The following PI4K2B variants were observed in gnomAD, a reference collection of about 807,000 sequenced individuals.
The protein encoded by PI4K2B is phosphatidylinositol 4-kinase type 2 beta.
Under a neutral mutation model 56.6 loss-of-function variants are expected in PI4K2B, and 46 were observed. The observed-to-expected ratio is 0.81, with a 90% CI of 0.64 to 1.04. The LOEUF (loss-of-function observed/expected upper bound fraction) is 1.04. Ranked by LOEUF, PI4K2B falls within the 50% of genes least tolerant of loss-of-function variation. The pLI is 0.00. For missense variants in PI4K2B, 556 were observed against 607.7 expected, an observed-to-expected ratio of 0.91 and a Z score of 0.89; for synonymous variants, 211 against 223.8, an observed-to-expected ratio of 0.94 and a Z score of 0.51.
rs541637763 is a variant in PI4K2B at position 25,243,343 on chromosome 4, C to G, written c.268+8912C>G. Among the ~76,000 whole-genome samples, 3 of 152,338 alleles carry G rather than the reference C, an allele frequency of 2.0e-5. No homozygotes were observed. The South Asian group carries it at 6.2e-4, about 32-fold the overall frequency. ...ACATGGATGAGGGGGCAGCTTGTTT[C>G]TCATTGGACAATCTTTTTTAAAGCA... On this transcript the variant is annotated intron_variant, in intron 1 of 9. Transcript: ENST00000264864.
chr4:25,248,945 C>T (rs1273205199), intron 1 of PI4K2B, among the ~76,000 whole-genome samples: 1 of 152,034 alleles, frequency 6.6e-6, no homozygotes, highest in Non-Finnish European at 1.5e-5. Context: ...GTTTTATAGG[C>T]AGAGGGCCCT....
chr4:25,272,436 A>G (rs1279593530), intron 9 of PI4K2B, among the ~76,000 whole-genome samples: 1 of 152,178 alleles, frequency 6.6e-6, no homozygotes, highest in Admixed American at 6.6e-5. Context: ...ATAGCCAAAA[A>G]AGATAATATG....
chr4:25,257,993 T>A (rs1242409949), intron 4 of PI4K2B, among the ~76,000 whole-genome samples: 4 of 152,202 alleles, frequency 2.6e-5, no homozygotes, highest in African/African-American at 9.6e-5. Flanking sequence ...AAACTAGGGT[T>A]ACCTGTTACC....
rs28478098 is a variant in PI4K2B at position 25,260,665 on chromosome 4, T to C, written c.978+74T>C. ...ATACACACACACACACACACACACA[T>C]ACACACACACACGTGTATATAATTG... is the stretch of plus-strand genomic sequence containing the variant. On this transcript the variant is annotated intron_variant, in intron 6 of 9. Coordinates refer to ENST00000264864, the MANE Select transcript of PI4K2B (RefSeq NM_018323.4). 6.0e-3 allele frequency: 1,666 copies of C among 278,918 alleles called. 17 individuals are homozygous for C. The highest frequency in any genetic ancestry group is 0.033 in the African/African-American group (1,339 of 40,598). The allele number at this position is 278,918 out of a possible 1,614,324, so 17.3% of individuals were successfully genotyped here.
Position 25,255,278 on chromosome 4 carries a change from T to G in PI4K2B, c.624+13T>G. Reference sequence around the variant, plus strand: ...ACCTAAAACAAAGGTAAGCCAGACTTTATTTTTAACCATGGACTTTTAATT... The same window carrying G: ...ACCTAAAACAAAGGTAAGCCAGACTGTATTTTTAACCATGGACTTTTAATT... On this transcript the variant is annotated intron_variant, in intron 3 of 9. Transcript: ENST00000264864. 6.2e-7 allele frequency: 1 copy of G among 1,606,120 alleles called. No individual in the cohort carries two copies. The highest frequency in any genetic ancestry group is 8.5e-7 in the Non-Finnish European group (1 of 1,173,150).
At chr4:25,259,798 G>A (rs1223096772) in intron 5 of PI4K2B, among the ~76,000 whole-genome samples, 1 of 152,220 alleles carries the variant, frequency 6.6e-6, no homozygotes, top group African/African-American at 2.4e-5. Context: ...GCAGCATGCG[G>A]CCTGCAGGCC....
chr4:25,262,027 G>A (rs1467113545), intron 6 of PI4K2B, among the ~76,000 whole-genome samples: 2 of 152,146 alleles, frequency 1.3e-5, no homozygotes. Flanking sequence ...TGGGCACAGT[G>A]GCTCATGCCT....
Position 25,234,384 on chromosome 4 carries a change from C to G in PI4K2B, c.221C>G (p.Ser74Cys). 1 of 1,400,382 alleles carries G rather than the reference C, an allele frequency of 7.1e-7. No individual in the cohort carries two copies. The highest frequency in any genetic ancestry group is 1.5e-5 in the South Asian group (1 of 65,298). 86.7% of individuals were successfully genotyped at this position (1,400,382 alleles called of 1,614,324 possible). ...CTCCCGCCCGGGGACGTGGGGGTCT[C>G]CCGGAGTTCGTCCGCCGAGCTGGAC... The part of the protein sequence containing the change: ...LPLPPGDVGV[S>C]RSSSAELDRS... Residue 74 changes from serine to cysteine, a missense_variant, in exon 1 of 10, where the codon TCC becomes TGC. Physicochemically the swap from Ser to Cys is moderately radical, Grantham distance 112. Coordinates refer to ENST00000264864, the MANE Select transcript of PI4K2B (RefSeq NM_018323.4).
chr4:25,272,318 G>A (rs950869135), intron 9 of PI4K2B, among the ~76,000 whole-genome samples: 1 of 152,144 alleles, frequency 6.6e-6, no homozygotes, highest in Non-Finnish European at 1.5e-5. Context: ...AGATGACAGG[G>A]TCAACAACTT....
At chr4:25,273,623 A>G (rs1716993269) in intron 9 of PI4K2B, among the ~76,000 whole-genome samples, 1 of 152,198 alleles carries the variant, frequency 6.6e-6, no homozygotes, top group Admixed American at 6.5e-5. Context: ...AGCCTGGCCA[A>G]TCGGCAACAT....
At chr4:25,238,121 G>C (rs944867040) in intron 1 of PI4K2B, among the ~76,000 whole-genome samples, 1 of 152,196 alleles carries the variant, frequency 6.6e-6, no homozygotes, top group Non-Finnish European at 1.5e-5. Context: ...GAAGAAAGAT[G>C]AGAAGATGGA....
chr4:25,247,839 G>A (rs1715858076), intron 1 of PI4K2B, among the ~76,000 whole-genome samples: 1 of 152,228 alleles, frequency 6.6e-6, no homozygotes, highest in South Asian at 2.1e-4. Flanking sequence ...GAGTAGCTGG[G>A]ACTACAGGTA....
rs753683610 is a variant in PI4K2B, at chr4:25,255,106, T to C, written c.465T>C (p.Tyr155=). 2 of 1,613,986 alleles carry C rather than the reference T, an allele frequency of 1.2e-6. No individual in the cohort carries two copies. Among genetic ancestry groups the C allele is most frequent in the Non-Finnish European group, 1.7e-6 (2 of 1,179,962 alleles). The stretch of plus-strand genomic sequence containing the variant: ...TTAAACCCAAATCAGAAGAGCCTTA[T>C]GGTCAACTCAATCCAAAATGGACCA... ...GVFKPKSEEP[Y]GQLNPKWTKY... is the part of the protein sequence containing the mutation. The change falls in exon 3 of 10, where the codon TAT becomes TAC. Residue 155 remains tyrosine (Y), a synonymous_variant. Transcript: ENST00000264864.
At position 25,277,044 on chromosome 4, in the gene PI4K2B, G is replaced by C. The variant is rs200215448; in HGVS notation, c.1303G>C (p.Gly435Arg). 1.2e-6 allele frequency: 2 copies of C among 1,601,262 alleles called. No individual in the cohort carries two copies. The highest frequency in any genetic ancestry group is 1.3e-5 in the African/African-American group (1 of 74,884). ...ILNLTQALRD[G>R]KSPFQLVQIP... ...AAACCTTACTCAGGCATTGAGAGAC[G>C]GGAAGAGTCCTTTCCAGCTAGTACA... The change falls in exon 10 of 10, where the codon GGG becomes CGG. Residue 435 changes from glycine to arginine, a missense_variant. Transcript: ENST00000264864.
chr4:25,244,078 C>T (rs1387302602), intron 1 of PI4K2B, among the ~76,000 whole-genome samples: 2 of 152,170 alleles, frequency 1.3e-5, no homozygotes, highest in African/African-American at 2.4e-5. Flanking sequence ...TTGCCCTAGA[C>T]CCTTTAGGAC....
At chr4:25,272,455 A>G (rs966235886) in intron 9 of PI4K2B, among the ~76,000 whole-genome samples, 1 of 152,200 alleles carries the variant, frequency 6.6e-6, no homozygotes, top group Non-Finnish European at 1.5e-5. Flanking sequence ...TGTCCTGACC[A>G]TGTACATGAC....
At chr4:25,255,009 G>T in intron 2 of PI4K2B, 56 bp from the exon 3 acceptor site, 1 of 1,155,642 alleles carries the variant, frequency 8.7e-7, no homozygotes, top group Non-Finnish European at 1.3e-6. Context: ...TGCATTTTAT[G>T]GATGATTATC....
chr4:25,268,345 TGGGGAGAACC>T, intron 7 of PI4K2B, 88 bp from the exon 8 acceptor site: 1 of 958,746 alleles, frequency 1.0e-6, no homozygotes. Context: ...TGTCCTTTTT[TGGGGAGAACC>T]TAGGAGTTGT....
intron 1 of PI4K2B, among the ~76,000 whole-genome samples, chr4:25,245,666 G>A (rs374388598): frequency 5.9e-5 from 9 of 152,116 alleles, no homozygotes; most frequent in South Asian, 2.1e-4. Context: ...ACAGGTGCCC[G>A]GTATTTAGCC....
Sources: allele counts gnomAD v4.1 joint callset (sites outside exome capture counted in the v4.1 genomes callset), GRCh38; gene constraint gnomAD v4.1.1; transcripts MANE v1.5; gene names NCBI Gene and HGNC (gene_info 2026-07-23, HGNC 2026-07-21).